EYS: variants seen among roughly 807,000 people sequenced by gnomAD.
EYS encodes the protein protein eyes shut homolog.
A neutral mutation model predicts 282.1 loss-of-function variants in EYS; 250 were observed. The ratio of observed to expected loss-of-function variants is 0.89; its 90% CI spans 0.80 to 0.98. EYS has a LOEUF of 0.98. Among genes scored for constraint, EYS ranks in the 50% least tolerant of loss-of-function variants. The pLI is 0.00. For missense variants in EYS, 4,016 were observed against 3,709.0 expected (o/e 1.08, Z -2.15); for synonymous variants, 1,355 against 1,282.9 (o/e 1.06, Z -1.20).
chr6:64,773,053 T>G (rs937176943), intron 22 of EYS, among the ~76,000 whole-genome samples: 7 of 151,852 alleles, frequency 4.6e-5, no homozygotes, highest in Non-Finnish European at 1.0e-4. Context: ...GTCACAAAGA[T>G]TTGGTGTACA....
At chr6:65,091,643 T>C (rs1457333979) in intron 12 of EYS, among the ~76,000 whole-genome samples, 2 of 152,086 alleles carry the variant, frequency 1.3e-5, no homozygotes, top group African/African-American at 2.4e-5. Flanking sequence ...TGAGTTTTTA[T>C]TGTATTTATC....
intron 26 of EYS, among the ~76,000 whole-genome samples, chr6:64,479,192 T>A (rs1776363564): frequency 6.6e-6 from 1 of 152,034 alleles, no homozygotes; most frequent in African/African-American, 2.4e-5. Flanking sequence ...TATGTCTTTC[T>A]AATAACATTA....
intron 30 of EYS, among the ~76,000 whole-genome samples, chr6:64,274,233 T>G (rs1364799854): frequency 3.3e-5 from 5 of 152,170 alleles, no homozygotes; most frequent in African/African-American, 9.7e-5. Flanking sequence ...CTGAGTGCAG[T>G]AGTGTGATCT....
chr6:63,930,016 G>A (rs376731098), intron 35 of EYS, among the ~76,000 whole-genome samples: 28 of 152,132 alleles, frequency 1.8e-4, no homozygotes, highest in Middle Eastern at 6.8e-3. Context: ...ACTTCCTACC[G>A]TGTGAGATTA....
chr6:64,129,623 T>A (rs1773899848), intron 31 of EYS, among the ~76,000 whole-genome samples: 1 of 152,216 alleles, frequency 6.6e-6, no homozygotes. Context: ...GTGCAGAAGC[T>A]CCTTAGTTTA....
rs774464019 is a variant in EYS at position 65,344,158 on chromosome 6, G to T, written c.1479C>A (p.Cys493Ter). 4 of 1,609,268 alleles carry T rather than the reference G, an allele frequency of 2.5e-6. No homozygotes were observed. The highest frequency in any genetic ancestry group is 2.2e-5 in the East Asian group (1 of 44,660). Residue 493 changes from cysteine to a stop codon, truncating the protein, a stop_gained, in exon 10 of 43, where the codon TGC becomes TGA. Coordinates refer to ENST00000503581, the MANE Select transcript of EYS (RefSeq NM_001142800.2). LOFTEE classifies it high-confidence loss of function. ...AGAAATAGGCATCAATAACCCCTTG[G>T]CACTTTTCGCCTTCAGATCCTTTAA... Reference protein sequence around the residue: ...LGFAGSEGEKCQGVIDAYFFL... With the variant: ...LGFAGSEGEK
chr6:64,321,578 T>C (rs770452773), intron 29 of EYS, among the ~76,000 whole-genome samples: 18 of 151,882 alleles, frequency 1.2e-4, no homozygotes, highest in Non-Finnish European at 2.7e-4. Flanking sequence ...GGATATTCCA[T>C]GCTATGAATA....
Position 65,561,366 on chromosome 6 carries a change from G to T in EYS, c.-332-65373C>A, listed in dbSNP as rs143988593. On this transcript the variant is annotated intron_variant, in intron 2 of 42. Transcript: ENST00000503581. ...CCAATTAGCTGAAGAGACTTCTTGA[G>T]TCACCATTTACTTCTCTCTCAAGGG... Among the ~76,000 whole-genome samples, 524 of 152,206 alleles carry T rather than the reference G, an allele frequency of 3.4e-3. 2 individuals carry two copies. Among genetic ancestry groups the T allele is most frequent in the African/African-American group, 0.012 (509 of 41,532 alleles).
chr6:64,406,146 G>T (rs77071722), intron 28 of EYS, among the ~76,000 whole-genome samples: 5,831 of 152,142 alleles, frequency 0.038, 364 homozygotes, highest in African/African-American at 0.13. Context: ...AGAGGCCTCA[G>T]AAATACCACC....
chr6:64,337,956 AATCAGC>A (rs924184704), intron 29 of EYS, among the ~76,000 whole-genome samples: 18 of 152,038 alleles, frequency 1.2e-4, no homozygotes, highest in African/African-American at 3.6e-4. Flanking sequence ...CTATCAGCAA[AATCAGC>A]ATACAAGGGA....
chr6:63,778,204 C>T lies in EYS; in HGVS notation c.7724-24G>A, dbSNP rs146094035. 1.9e-4 allele frequency: 290 copies of T among 1,547,772 alleles called. 1 individual carries two copies. Among genetic ancestry groups the T allele is most frequent in the Middle Eastern group, 1.3e-3 (8 of 5,980 alleles). On this transcript the variant is annotated intron_variant, in intron 39 of 42. Transcript: ENST00000503581. Reference sequence around the variant, plus strand: ...GCCTTGAAGAAATGCAAAAACACTTCGTGTTAACAAACAGAAGAAATAGAA... The same window carrying T: ...GCCTTGAAGAAATGCAAAAACACTTTGTGTTAACAAACAGAAGAAATAGAA...
intron 22 of EYS, among the ~76,000 whole-genome samples, chr6:64,736,743 C>A (rs1772194406): frequency 6.6e-6 from 1 of 152,096 alleles, no homozygotes; most frequent in African/African-American, 2.4e-5. Context: ...TATGCCAGTT[C>A]TCACCACTGT....
At chr6:63,815,534 T>A (rs1771156297) in intron 36 of EYS, among the ~76,000 whole-genome samples, 1 of 152,230 alleles carries the variant, frequency 6.6e-6, no homozygotes, top group African/African-American at 2.4e-5. Flanking sequence ...TCCCAAGTCC[T>A]GGCCATGGAT....
intron 33 of EYS, among the ~76,000 whole-genome samples, chr6:64,027,669 C>T (rs1387890731): frequency 6.6e-6 from 1 of 152,182 alleles, no homozygotes; most frequent in Non-Finnish European, 1.5e-5. Flanking sequence ...TACTAGGACA[C>T]TTTAAAAAAG....
At chr6:63,895,859 C>G (rs1336816049) in intron 35 of EYS, among the ~76,000 whole-genome samples, 2 of 147,728 alleles carry the variant, frequency 1.4e-5, no homozygotes, top group East Asian at 4.0e-4. Context: ...AAATCTTCCT[C>G]TAATTTATGT....
intron 24 of EYS, among the ~76,000 whole-genome samples, chr6:64,596,560 A>G (rs1766593276): frequency 1.3e-5 from 2 of 152,206 alleles, no homozygotes; most frequent in Non-Finnish European, 2.9e-5. Context: ...AGATAGATTC[A>G]CATATTCACA....
At chr6:64,786,767 T>G (rs1774035102) in intron 22 of EYS, among the ~76,000 whole-genome samples, 2 of 152,178 alleles carry the variant, frequency 1.3e-5, no homozygotes, top group Admixed American at 1.3e-4. Flanking sequence ...AAAAAATTAT[T>G]CCTTCCCCAG....
intron 21 of EYS, among the ~76,000 whole-genome samples, chr6:64,816,277 C>T (rs1764739793): frequency 6.6e-6 from 1 of 152,062 alleles, no homozygotes. Context: ...ATAAAAACTG[C>T]TAGTGTAGTC....
chr6:64,383,887 C>T (rs1042359900), intron 29 of EYS, among the ~76,000 whole-genome samples: 2 of 152,094 alleles, frequency 1.3e-5, no homozygotes, highest in Admixed American at 1.3e-4. Context: ...AAGGTTGACA[C>T]GCATCCTTTT....
Sources: gnomAD v4.1 joint callset for allele counts (sites outside exome capture counted in the v4.1 genomes callset) on GRCh38, gnomAD v4.1.1 for gene constraint, MANE v1.5 for transcripts, NCBI Gene and HGNC (gene_info 2026-07-23, HGNC 2026-07-21) for gene names.